Variants in RANBP1 observed in about 807,000 individuals in gnomAD.
RANBP1 encodes ran-specific GTPase-activating protein.
In RANBP1, 16 loss-of-function variants were observed where a neutral mutation model predicts 31.4. The observed-to-expected ratio is 0.51, with a 90% CI of 0.34 to 0.77. The LOEUF (loss-of-function observed/expected upper bound fraction) is 0.77, where lower values mean the gene tolerates loss of function less well. Ranked by LOEUF, RANBP1 falls within the 30% of genes least tolerant of loss-of-function variation. The probability of loss-of-function intolerance (pLI) is 0.01; values close to 1 mark genes in which losing one functional copy is unlikely to be tolerated. For synonymous variants in RANBP1, 129 were observed against 140.5 expected, an observed-to-expected ratio of 0.92 and a Z score of 0.58; for missense variants, 265 against 362.0, an observed-to-expected ratio of 0.73 and a Z score of 2.17.
intron 3 of RANBP1, among the ~76,000 whole-genome samples, chr22:20,123,143 CTG>C (rs1450429379): frequency 1.4e-5 from 1 of 71,954 alleles, no homozygotes; most frequent in Non-Finnish European, 2.6e-5. Context: ...GTCTGGGGGG[CTG>C]TGTGGTGTCT....
chr22:20,117,584 G>C (rs970244757), intron 1 of RANBP1: 3 of 1,394,024 alleles, frequency 2.2e-6, no homozygotes, highest in Non-Finnish European at 2.8e-6. Context: ...GCTACGAGTA[G>C]CCGCCGAGAG....
intron 1 of RANBP1, chr22:20,118,294 C>G (rs1326685280): frequency 2.0e-6 from 2 of 1,002,276 alleles, no homozygotes; most frequent in Non-Finnish European, 2.4e-6. Context: ...GGGTCTCTTA[C>G]GGACTTCTGG....
At chr22:20,126,801 C>T in intron 5 of RANBP1, 151 bp from the exon 6 acceptor site, 4 of 1,340,138 alleles carry the variant, frequency 3.0e-6, no homozygotes, top group South Asian at 1.4e-5. Context: ...AGAAGACAGA[C>T]TCCAGGAGGC....
Position 20,116,361 on chromosome 22 carries a change from G to A in RANBP1, c.177G>A (p.Arg59=). The part of the protein sequence containing the change: ...VLWGCRPKRP[R]KRRTSLKLAW... ...GGGGCTGCAGACCAAAGCGGCCCAG[G>A]AAGCGCCGGACGTCGCTGAAGCTGG... Residue 59 remains arginine (R), a synonymous_variant, in exon 1 of 6, where the codon AGG becomes AGA. Coordinates refer to ENST00000430524, the MANE Select transcript of RANBP1 (RefSeq NM_001278639.2). 1 of 1,612,846 alleles carries A rather than the reference G, an allele frequency of 6.2e-7. No homozygotes were observed. Among genetic ancestry groups the A allele is most frequent in the South Asian group, 1.1e-5 (1 of 91,088 alleles).
chr22:20,116,706 T>G, intron 1 of RANBP1: 1 of 1,447,172 alleles, frequency 6.9e-7, no homozygotes, highest in African/African-American at 1.4e-5. Context: ...CCTCCGTCGG[T>G]GCACTCTGCA....
At chr22:20,122,541 T>G (rs761746198) in intron 3 of RANBP1, 120 bp downstream of exon 3, 11 of 1,571,310 alleles carry the variant, frequency 7.0e-6, no homozygotes, top group African/African-American at 4.1e-5. Flanking sequence ...AAGTTTGTGG[T>G]GTGTTTGTTG....
chr22:20,117,503 A>C (rs1211239664), intron 1 of RANBP1: 1 of 1,172,116 alleles, frequency 8.5e-7, no homozygotes, highest in African/African-American at 1.7e-5. Flanking sequence ...TCAGGGGTCG[A>C]GGTTCGGGTC....
In RANBP1 at chr22:20,118,129, C is replaced by T. The variant is rs918422822; in HGVS notation, c.247-884C>T. 4.0e-6 allele frequency: 4 copies of T among 1,000,796 alleles called. No individual in the cohort carries two copies. The South Asian group carries it at 1.9e-4, about 47-fold the overall frequency. The allele number at this position is 1,000,796 out of a possible 1,614,324, so 62.0% of individuals were successfully genotyped here. On this transcript the variant is annotated intron_variant, in intron 1 of 5. Coordinates refer to ENST00000430524, the MANE Select transcript of RANBP1 (RefSeq NM_001278639.2). ...GAAGCTCGCGTTCCAGCGTGGGGCA[C>T]AGGTCCTAGATGCGCCGACCCAGGC...
chr22:20,116,345 G>C lies in RANBP1; in HGVS notation c.161G>C (p.Arg54Thr), dbSNP rs755476378. 6.2e-7 allele frequency: 1 copy of C among 1,612,968 alleles called. No individual in the cohort carries two copies. The highest frequency in any genetic ancestry group is 2.2e-5 in the East Asian group (1 of 44,874). ...AAGAGTTTGGTTTTGTGGGGCTGCA[G>C]ACCAAAGCGGCCCAGGAAGCGCCGG... ...CPKSLVLWGC[R>T]PKRPRKRRTS... The change falls in exon 1 of 6, where the codon AGA becomes ACA. Residue 54 changes from arginine (R) to threonine (T), a missense_variant. This residue lies in a region of RANBP1 where 126 missense variants were observed against 123.6 expected (regional missense o/e 1.02). Coordinates refer to ENST00000430524, the MANE Select transcript of RANBP1 (RefSeq NM_001278639.2).
chr22:20,122,129 T>C, intron 2 of RANBP1, 135 bp from the exon 3 acceptor site: 1 of 935,846 alleles, frequency 1.1e-6, no homozygotes. Context: ...CGGGCAGTTC[T>C]TGGAGCCTGA....
chr22:20,126,117 C>T (rs2050291675), intron 4 of RANBP1, among the ~76,000 whole-genome samples, 186 bp from the exon 5 acceptor site: 1 of 152,242 alleles, frequency 6.6e-6, no homozygotes, highest in Non-Finnish European at 1.5e-5. Flanking sequence ...TACCGCTCTG[C>T]CCAAATGGGT....
chr22:20,117,442 C>T (rs2050061436), intron 1 of RANBP1: 5 of 1,190,718 alleles, frequency 4.2e-6, no homozygotes, highest in Non-Finnish European at 5.2e-6. Context: ...GCCTCCTGAG[C>T]CAATAAAGCT....
At chr22:20,125,640 C>T (rs1245901882) in intron 4 of RANBP1, 4 of 1,461,434 alleles carry the variant, frequency 2.7e-6, no homozygotes, top group Non-Finnish European at 3.6e-6. Flanking sequence ...AAACTCAAAG[C>T]TGTGCCAAGT....
intron 1 of RANBP1, chr22:20,117,067 G>C: frequency 1.1e-6 from 1 of 936,272 alleles, no homozygotes; most frequent in Non-Finnish European, 1.6e-6. Flanking sequence ...GCCACCCCCG[G>C]CTTCGCCCCA....
In RANBP1 at chr22:20,116,307, G is replaced by A. The variant is rs151276570; in HGVS notation, c.123G>A (p.Gln41=). ...CGCTGCGGAATGTCACAAAGGCGCA[G>A]GGTGGTTGCCCAAAGAGTTTGGTTT... ...SAALRNVTKA[Q]GGCPKSLVLW... is the part of the protein sequence containing the mutation. Residue 41 remains glutamine (Q), a synonymous_variant, in exon 1 of 6, where the codon CAG becomes CAA. Coordinates refer to ENST00000430524, the MANE Select transcript of RANBP1 (RefSeq NM_001278639.2). 48 of 1,612,860 alleles carry A rather than the reference G, an allele frequency of 3.0e-5. No homozygotes were observed. The African/African-American group carries it at 5.7e-4, about 19-fold the overall frequency.
Position 20,127,304 on chromosome 22 carries a change from CT to C in RANBP1, c.*254del. On this transcript the variant is annotated 3_prime_UTR_variant, in exon 6 of 6. Coordinates refer to ENST00000430524, the MANE Select transcript of RANBP1 (RefSeq NM_001278639.2). ...AACTTTCTTTTCCATAGTGGAAACA[CT>C]TATTTATAGTCATCAAAAATAGTGA... The C allele has an allele frequency of 3.1e-6, 1 of 326,276 alleles. No individual in the cohort carries two copies. The highest frequency in any genetic ancestry group is 5.8e-6 in the Non-Finnish European group (1 of 172,694). 20.2% of individuals were successfully genotyped at this position (326,276 alleles called of 1,614,324 possible).
chr22:20,126,905 G>A (rs765874513), intron 5 of RANBP1, 47 bp from the exon 6 acceptor site: 20 of 1,595,362 alleles, frequency 1.3e-5, no homozygotes, highest in Non-Finnish European at 1.7e-5. Context: ...CCATGTGCTT[G>A]AATGCACCGT....
At chr22:20,122,605 C>T (rs1442842918) in intron 3 of RANBP1, 184 bp downstream of exon 3, 20 of 1,529,286 alleles carry the variant, frequency 1.3e-5, no homozygotes, top group Non-Finnish European at 1.6e-5. Context: ...CAGAGCAGGC[C>T]CGCAGCGAAG....
In RANBP1 at chr22:20,125,686, T is replaced by G. The variant is rs1370289981; in HGVS notation, c.670+250T>G. ...CAGCAGTGCCCGCTCAGCCGCCTTG[T>G]GGCTGGCACTTTGGTTTGCTCTCCA... On this transcript the variant is annotated intron_variant, in intron 4 of 5. Transcript: ENST00000430524. The G allele has an allele frequency of 7.4e-6, 10 of 1,360,200 alleles. No individual in the cohort carries two copies. In the East Asian group the frequency reaches 2.8e-4, roughly 37 times the overall value. 84.3% of individuals were successfully genotyped at this position (1,360,200 alleles called of 1,614,324 possible). A position where few individuals can be genotyped will look rare whatever the true frequency, so the allele number is the denominator to read the frequency against.
Sources: allele counts gnomAD v4.1 joint callset (sites outside exome capture counted in the v4.1 genomes callset), GRCh38; gene constraint gnomAD v4.1.1; regional missense constraint gnomAD v4.1.1; transcripts MANE v1.5; gene names NCBI Gene and HGNC (gene_info 2026-07-23, HGNC 2026-07-21).